The following CC2D1B variants were observed in gnomAD, a reference collection of about 807,000 sequenced individuals.
CC2D1B encodes coiled-coil and C2 domain containing 1B, also known as coiled-coil and C2 domain-containing protein 1B.
A neutral mutation model predicts 110.8 loss-of-function variants in CC2D1B; 92 were observed. That is an observed-to-expected ratio of 0.83 (90% CI 0.70 to 0.99). The LOEUF is 0.99. CC2D1B is among the 50% of genes least tolerant of loss of function. The pLI is 0.00. For missense variants in CC2D1B, 1,136 were observed against 1,089.0 expected, an observed-to-expected ratio of 1.04 and a Z score of -0.61; for synonymous variants, 406 against 429.2, an observed-to-expected ratio of 0.95 and a Z score of 0.67.
intron 23 of CC2D1B, chr1:52,353,867 C>G (rs1192360453): frequency 6.2e-6 from 3 of 482,936 alleles, no homozygotes; most frequent in Non-Finnish European, 1.1e-5. Flanking sequence ...TAAATCCAGA[C>G]AAGCATCCTA....
intron 2 of CC2D1B, among the ~76,000 whole-genome samples, chr1:52,363,595 C>T (rs75990762): frequency 1.8e-3 from 278 of 152,170 alleles, no homozygotes; most frequent in African/African-American, 6.3e-3. Context: ...TAAACATTAA[C>T]CCCCCTTCCT....
chr1:52,355,466 G>A lies in CC2D1B; in HGVS notation c.2188-17C>T, dbSNP rs778732748. On this transcript the variant is annotated splice_polypyrimidine_tract_variant and intron_variant, in intron 20 of 24. Coordinates refer to ENST00000284376, the MANE Select transcript of CC2D1B (RefSeq NM_001330585.2). ...AGCCTGGTCCTAAGCAGTGAGGAGGGAGAAGTCAGGACAGCGTATAAACAA... is the reference window on the plus strand; with the variant it reads ...AGCCTGGTCCTAAGCAGTGAGGAGGAAGAAGTCAGGACAGCGTATAAACAA... The A allele has an allele frequency of 6.8e-6, 11 of 1,614,010 alleles. No homozygotes were observed. In the East Asian group the frequency reaches 1.8e-4, roughly 26 times the overall value.
chr1:52,359,240 C>T lies in CC2D1B; in HGVS notation c.1126+10G>A. 1.2e-6 allele frequency: 2 copies of T among 1,611,796 alleles called. No individual in the cohort carries two copies. The highest frequency in any genetic ancestry group is 1.7e-6 in the Non-Finnish European group (2 of 1,178,526). The stretch of plus-strand genomic sequence containing the variant: ...GGTCCCCACGCCACAGTCCCACCAT[C>T]CTGCCCTACCTGGGGTTGCTGGGAC... On this transcript the variant is annotated intron_variant, in intron 10 of 24. Transcript: ENST00000284376.
intron 7 of CC2D1B, 55 bp from the exon 8 acceptor site, chr1:52,359,938 C>A: frequency 6.4e-7 from 1 of 1,574,380 alleles, no homozygotes; most frequent in South Asian, 1.2e-5. Flanking sequence ...GAAGAAGGTG[C>A]CCACGGACTT....
chr1:52,358,549 G>A, intron 12 of CC2D1B, 88 bp from the exon 13 acceptor site: 2 of 1,598,892 alleles, frequency 1.3e-6, no homozygotes, highest in South Asian at 1.1e-5. Context: ...GCATGGCTCT[G>A]CTGGGGCATG....
rs116159613 is a variant in CC2D1B, at chr1:52,364,385, G to A, written c.69+167C>T. On this transcript the variant is annotated intron_variant, in intron 2 of 24. Coordinates refer to ENST00000284376, the MANE Select transcript of CC2D1B (RefSeq NM_001330585.2). ...TCCTGAACCCTCTCCCCACTTGTATGTGGAAGAGACTAGTAGGAGGGTGTC... is the reference window on the plus strand; with the variant it reads ...TCCTGAACCCTCTCCCCACTTGTATATGGAAGAGACTAGTAGGAGGGTGTC... Among the ~76,000 whole-genome samples, 1,187 of 152,358 alleles carry A rather than the reference G, an allele frequency of 7.8e-3. 18 individuals are homozygous for A. The highest frequency in any genetic ancestry group is 0.027 in the African/African-American group (1,129 of 41,580).
intron 21 of CC2D1B, 47 bp downstream of exon 21, chr1:52,355,350 GC>G: frequency 6.3e-7 from 1 of 1,587,914 alleles, no homozygotes; most frequent in Non-Finnish European, 8.6e-7. Context: ...CACCAGTGCT[GC>G]CCACACACTC....
chr1:52,361,487 C>T (rs1229599070), intron 4 of CC2D1B, 26 bp downstream of exon 4: 4 of 1,613,456 alleles, frequency 2.5e-6, no homozygotes, highest in Middle Eastern at 1.7e-4. Flanking sequence ...CCTCAGAGCC[C>T]TGGGATACCA....
intron 4 of CC2D1B, 72 bp downstream of exon 4, chr1:52,361,441 T>C: frequency 1.9e-6 from 3 of 1,599,330 alleles, no homozygotes; most frequent in Non-Finnish European, 2.6e-6. Flanking sequence ...CCCAGCCTCC[T>C]CTCCACTGCC....
chr1:52,358,588 G>A (rs1274369348), intron 12 of CC2D1B, 98 bp downstream of exon 12: 2 of 1,568,886 alleles, frequency 1.3e-6, no homozygotes, highest in Admixed American at 1.7e-5. Flanking sequence ...ACAGAGGGGA[G>A]GCAGACGCAT....
intron 5 of CC2D1B, 180 bp downstream of exon 5, chr1:52,360,794 G>T: frequency 1.1e-6 from 1 of 900,594 alleles, no homozygotes; most frequent in Non-Finnish European, 1.7e-6. Flanking sequence ...AGAACAGAGA[G>T]GCCTTTGAGG....
Position 52,360,537 on chromosome 1 carries a change from G to C in CC2D1B, c.490C>G (p.Gln164Glu). Residue 164 changes from glutamine (Q) to glutamate (E), a missense_variant, in exon 6 of 25, where the codon CAG (glutamine) becomes GAG (glutamate). Gln to Glu is a conservative substitution (Grantham distance 29, BLOSUM62 2). Transcript: ENST00000284376. Reference sequence around the variant, plus strand: ...TCCTCCAGCAAAGCGTGTAGCCCCTGAGATGCTCCGGCCTATGAACAATTC... The same window carrying C: ...TCCTCCAGCAAAGCGTGTAGCCCCTCAGATGCTCCGGCCTATGAACAATTC... The part of the protein sequence containing the change: ...SAPAAQAGAS[Q>E]GLHALLEERI... The C allele has an allele frequency of 3.1e-6, 5 of 1,614,054 alleles. No homozygotes were observed. Among genetic ancestry groups the C allele is most frequent in the Non-Finnish European group, 4.2e-6 (5 of 1,180,016 alleles).
chr1:52,358,931 C>T (rs1646714401), intron 11 of CC2D1B, 96 bp downstream of exon 11: 2 of 1,538,164 alleles, frequency 1.3e-6, no homozygotes, highest in African/African-American at 2.7e-5. Flanking sequence ...GATGATGGTT[C>T]AGAAAAGACA....
chr1:52,363,394 CAAAAAA>C (rs60279244), intron 2 of CC2D1B, among the ~76,000 whole-genome samples: 1 of 56,094 alleles, frequency 1.8e-5, no homozygotes. Flanking sequence ...GACTCCGTCT[CAAAAAA>C]AAAAAAAAAA....
chr1:52,356,656 T>A (rs990608776), intron 16 of CC2D1B: 4 of 614,916 alleles, frequency 6.5e-6, no homozygotes, highest in Non-Finnish European at 5.7e-6. Flanking sequence ...ATTCCCCAAA[T>A]TAGCAACTCC....
chr1:52,361,764 C>G (rs975447770), intron 3 of CC2D1B, 148 bp from the exon 4 acceptor site: 6 of 996,802 alleles, frequency 6.0e-6, no homozygotes, highest in Non-Finnish European at 8.9e-6. Flanking sequence ...CCTTTAAGAC[C>G]CAGTTCAAAA....
intron 24 of CC2D1B, 92 bp from the exon 25 acceptor site, chr1:52,353,315 A>ATAGAT (rs1553139770): frequency 6.8e-7 from 1 of 1,477,482 alleles, no homozygotes; most frequent in Non-Finnish European, 9.0e-7. Flanking sequence ...AGATAGATAG[A>ATAGAT]TAGATAGTTA....
chr1:52,351,642 T>G lies in CC2D1B; in HGVS notation c.*1583A>C, dbSNP rs980063269. ...GGCTCACACCTGTAATCCCAGCACT[T>G]TGGGAGGCTGAGGTGGGTGGATCAT... On this transcript the variant is annotated 3_prime_UTR_variant, in exon 25 of 25. Transcript: ENST00000284376. 2.6e-5 allele frequency: 4 copies of G among 152,014 alleles called. No homozygotes were observed. The highest frequency in any genetic ancestry group is 6.6e-5 in the Admixed American group (1 of 15,262). The allele number at this position is 152,014 out of a possible 1,614,324, so 9.4% of individuals were successfully genotyped here.
chr1:52,357,902 C>A lies in CC2D1B; in HGVS notation c.1462-4G>T. On this transcript the variant is annotated splice_region_variant and splice_polypyrimidine_tract_variant and intron_variant, in intron 13 of 24. Coordinates refer to ENST00000284376, the MANE Select transcript of CC2D1B (RefSeq NM_001330585.2). ...GGGCCTGTGCTGGGGGCTCACCCTG[C>A]AGGTGCCCAGGAGGCTGTTAGGAGG... The A allele has an allele frequency of 6.5e-7, 1 of 1,543,146 alleles. No individual in the cohort carries two copies. The highest frequency in any genetic ancestry group is 8.7e-7 in the Non-Finnish European group (1 of 1,151,424).
Sources: allele counts gnomAD v4.1 joint callset (sites outside exome capture counted in the v4.1 genomes callset), GRCh38; gene constraint gnomAD v4.1.1; transcripts MANE v1.5; gene names NCBI Gene and HGNC (gene_info 2026-07-23, HGNC 2026-07-21).